RNF17: variants seen among roughly 807,000 people sequenced by gnomAD.
The protein encoded by RNF17 is spermatogenesis associated 23.
Under a neutral mutation model 200.5 loss-of-function variants are expected in RNF17, and 31 were observed. The observed-to-expected ratio is 0.15, with a 90% confidence interval of 0.12 to 0.21. The LOEUF (loss-of-function observed/expected upper bound fraction) is 0.21. Ranked by LOEUF, RNF17 falls within the 10% of genes least tolerant of loss-of-function variation. RNF17 has a pLI of 1.00. For missense variants in RNF17, 1,628 were observed against 1,905.1 expected (o/e 0.85, Z 2.71); for synonymous variants, 606 against 637.8 (o/e 0.95, Z 0.75).
chr13:24,846,955 C>T (rs1458166800), intron 22 of RNF17, among the ~76,000 whole-genome samples: 1 of 151,700 alleles, frequency 6.6e-6, no homozygotes, highest in Non-Finnish European at 1.5e-5. Flanking sequence ...AATATGTTTA[C>T]CAATAAAGCT....
chr13:24,861,504 A>G, intron 27 of RNF17, 117 bp downstream of exon 27: 10 of 664,840 alleles, frequency 1.5e-5, no homozygotes, highest in Non-Finnish European at 2.3e-5. Context: ...AAGTAATAAA[A>G]CACCAACAAA....
intron 18 of RNF17, among the ~76,000 whole-genome samples, chr13:24,838,184 T>C (rs1050825025): frequency 2.1e-4 from 32 of 152,008 alleles, no homozygotes; most frequent in African/African-American, 6.3e-4. Flanking sequence ...AGCAGCAAAA[T>C]TGAAATGGTA....
chr13:24,797,322 G>T (rs539719204), intron 11 of RNF17, among the ~76,000 whole-genome samples: 3 of 152,164 alleles, frequency 2.0e-5, no homozygotes, highest in East Asian at 3.8e-4. Flanking sequence ...TGAGAAATTA[G>T]TGATAAGGGA....
At chr13:24,856,458 C>G (rs1259919908) in intron 25 of RNF17, among the ~76,000 whole-genome samples, 1 of 150,748 alleles carries the variant, frequency 6.6e-6, no homozygotes, top group African/African-American at 2.4e-5. Context: ...ACTCTGATGT[C>G]AGAAAGCTAT....
At chr13:24,871,086 A>G (rs1894202352) in intron 32 of RNF17, among the ~76,000 whole-genome samples, 1 of 152,232 alleles carries the variant, frequency 6.6e-6, no homozygotes, top group Non-Finnish European at 1.5e-5. Flanking sequence ...CATCATTTAA[A>G]TTACAAGCCA....
intron 25 of RNF17, among the ~76,000 whole-genome samples, chr13:24,856,215 T>G (rs1406079249): frequency 6.6e-5 from 10 of 151,560 alleles, no homozygotes; most frequent in Non-Finnish European, 1.5e-4. Context: ...AAGTCAGGAG[T>G]TTCAGACCAG....
At position 24,859,047 on chromosome 13, in the gene RNF17, A is replaced by G; in HGVS notation, c.3657A>G (p.Lys1219=). 6.2e-7 allele frequency: 1 copy of G among 1,603,486 alleles called. No homozygotes were observed. The highest frequency in any genetic ancestry group is 2.2e-5 in the East Asian group (1 of 44,800). The change falls in exon 26 of 36, where the codon AAA becomes AAG. Residue 1219 remains lysine, a synonymous_variant. Coordinates refer to ENST00000255324, the MANE Select transcript of RNF17 (RefSeq NM_031277.3). ...CAAATGAAATTCAAAGTAATTTAAA[A>G]TGCCTTGGTCTTTTGGAGCCTTATT... ...KMTNEIQSNL[K]CLGLLEPYFW...
intron 25 of RNF17, 53 bp downstream of exon 25, chr13:24,854,197 A>T: frequency 7.2e-7 from 1 of 1,391,088 alleles, no homozygotes; most frequent in Non-Finnish European, 9.8e-7. Flanking sequence ...AACGACAGGG[A>T]TTGAAATACT....
chr13:24,764,888 GGTGTGT>G (rs57755622), intron 1 of RNF17, among the ~76,000 whole-genome samples: 10,740 of 134,064 alleles, frequency 0.08, 517 homozygotes, highest in East Asian at 0.21. Flanking sequence ...CACCTTGTGG[GGTGTGT>G]GTGTGTGTGT....
At chr13:24,755,786 C>T in the RNF17 span, among the ~76,000 whole-genome samples, 29 of 152,082 alleles carry the variant, frequency 1.9e-4, no homozygotes, top group African/African-American at 7.0e-4. Context: ...TCCTACAGGT[C>T]ATAAAAAAAT....
chr13:24,881,561 T>C (rs1953817149), downstream of RNF17, among the ~76,000 whole-genome samples: 1 of 151,848 alleles, frequency 6.6e-6, no homozygotes. Context: ...AGGTATATTC[T>C]AGAGATATCT....
intron 15 of RNF17, among the ~76,000 whole-genome samples, chr13:24,822,196 C>T (rs1266513227): frequency 1.3e-5 from 2 of 152,102 alleles, no homozygotes; most frequent in African/African-American, 2.4e-5. Context: ...CTGGCACCAT[C>T]CTGTGTGCTT....
the RNF17 span, among the ~76,000 whole-genome samples, chr13:24,748,030 T>G: frequency 6.6e-6 from 1 of 152,178 alleles, no homozygotes; most frequent in Non-Finnish European, 1.5e-5. Context: ...TCCCTCCCGC[T>G]CCGGGCTGGA....
intron 4 of RNF17, 92 bp downstream of exon 4, chr13:24,778,498 C>A: frequency 3.6e-6 from 3 of 842,888 alleles, no homozygotes; most frequent in Non-Finnish European, 4.0e-6. Context: ...ATTATAGATT[C>A]TTTTGGAAGT....
At position 24,843,924 on chromosome 13, in the gene RNF17, T is replaced by G; in HGVS notation, c.2784T>G (p.Pro928=). The G allele has an allele frequency of 1.9e-6, 3 of 1,573,410 alleles. No homozygotes were observed. The highest frequency in any genetic ancestry group is 2.6e-6 in the Non-Finnish European group (3 of 1,156,920). ...TGCATATCTGTAATGTAATATCTCC[T>G]GAGAAGATTTATGTTCAGTGGTTGT... ...LPVHICNVIS[P]EKIYVQWLLT... The change falls in exon 20 of 36, where the codon CCT becomes CCG. Residue 928 remains proline, a synonymous_variant. Transcript: ENST00000255324.
chr13:24,750,745 A>C, the RNF17 span: 1 of 152,104 alleles, frequency 6.6e-6, no homozygotes, highest in Non-Finnish European at 1.5e-5. Flanking sequence ...GCATTCATTG[A>C]TTAATTCTTT....
chr13:24,825,942 G>C, intron 16 of RNF17, 170 bp downstream of exon 16: 3 of 983,624 alleles, frequency 3.0e-6, no homozygotes, highest in Non-Finnish European at 2.4e-6. Flanking sequence ...TCTATCTTCT[G>C]ATATTTTGTT....
rs531527368 is a variant in RNF17, at chr13:24,802,357, A to G, written c.1759-24A>G. On this transcript the variant is annotated intron_variant, in intron 13 of 35. Transcript: ENST00000255324. ...TTAGCGATACTTACAATTAATTACT[A>G]TGGAATTTTACTTTCTTGCACAGAA... is the stretch of plus-strand genomic sequence containing the variant. 7.0e-6 allele frequency: 11 copies of G among 1,573,452 alleles called. No homozygotes were observed. In the South Asian group the frequency reaches 1.1e-4, roughly 15 times the overall value.
chr13:24,850,512 T>G, intron 23 of RNF17, 69 bp downstream of exon 23: 1 of 1,082,554 alleles, frequency 9.2e-7, no homozygotes, highest in Non-Finnish European at 1.4e-6. Flanking sequence ...TTATTTTCTT[T>G]CTTGTAGAGA....
Sources: gnomAD v4.1 joint callset for allele counts (sites outside exome capture counted in the v4.1 genomes callset) on GRCh38, gnomAD v4.1.1 for gene constraint, MANE v1.5 for transcripts, NCBI Gene and HGNC (gene_info 2026-07-23, HGNC 2026-07-21) for gene names.